MS4A5: variants seen among roughly 807,000 people sequenced by gnomAD.
The protein encoded by MS4A5 is membrane-spanning 4-domains subfamily A member 5.
In MS4A5, 15 loss-of-function variants were observed where a neutral mutation model predicts 18.2. That is an observed-to-expected ratio of 0.83 (90% confidence interval 0.55 to 1.27). The LOEUF (loss-of-function observed/expected upper bound fraction) is 1.27. Among genes scored for constraint, MS4A5 ranks in the 50% most tolerant of loss-of-function variants. The pLI, the probability that MS4A5 is intolerant of heterozygous loss-of-function variation, is 0.00. For synonymous variants in MS4A5, 89 were observed against 78.7 expected, an observed-to-expected ratio of 1.13 and a Z score of -0.69; for missense variants, 232 against 225.7, an observed-to-expected ratio of 1.03 and a Z score of -0.18.
chr11:60,429,927 T>C, intron 1 of MS4A5, 100 bp downstream of exon 1: 2 of 1,147,666 alleles, frequency 1.7e-6, no homozygotes, highest in Non-Finnish European at 2.4e-6. Flanking sequence ...CTATTCCAAT[T>C]CTTCTTTAAG....
rs529240201 is a variant in MS4A5 at position 60,432,705 on chromosome 11, T to C, written c.339+238T>C. 4.7e-5 allele frequency among the ~76,000 whole-genome samples: 7 copies of C among 148,922 alleles called. No individual in the cohort carries two copies. The South Asian group carries it at 1.5e-3, about 32-fold the overall frequency. ...GAGGCTGAGGCAGGAGAATTGCTTG[T>C]ACCTGGGAGGTGGAGGTTGCAAGGA... On this transcript the variant is annotated intron_variant, in intron 3 of 4. Transcript: ENST00000300190.
At chr11:60,436,142 G>A (rs1349892245) in intron 4 of MS4A5, among the ~76,000 whole-genome samples, 1 of 151,868 alleles carries the variant, frequency 6.6e-6, no homozygotes, top group African/African-American at 2.4e-5. Context: ...GCCTAACTGG[G>A]AGGCACCCCC....
rs368005615 is a variant in MS4A5 at position 60,429,775 on chromosome 11, C to A, written c.101C>A (p.Ser34Ter). 5 of 1,613,940 alleles carry A rather than the reference C, an allele frequency of 3.1e-6. No individual in the cohort carries two copies. In the East Asian group the frequency reaches 1.1e-4, roughly 36 times the overall value. ...ESTELSATTF[S>*]TQSPLQKLFA... ...ACAGAACTTTCAGCCACGACCTTTT[C>A]AACTCAAAGCCCCTTGCAAAAATTA... Residue 34 changes from serine (S) to a stop codon, truncating the protein, a stop_gained, in exon 1 of 5, where the codon TCA becomes TAA. Coordinates refer to ENST00000300190, the MANE Select transcript of MS4A5 (RefSeq NM_023945.3). LOFTEE classifies it high-confidence loss of function.
At chr11:60,434,113 C>T (rs1413098113) in intron 4 of MS4A5, among the ~76,000 whole-genome samples, 196 bp downstream of exon 4, 1 of 151,960 alleles carries the variant, frequency 6.6e-6, no homozygotes, top group African/African-American at 2.4e-5. Flanking sequence ...ATTATAACTC[C>T]CACCTTTAGG....
In MS4A5 at chr11:60,429,717, CCT is replaced by C. The variant is rs1565185749; in HGVS notation, c.45_46del (p.Pro16ArgfsTer8). ...TAHSPVFLVFPPEITASEYES... is the reference protein window; with the variant it reads ...TAHSPVFLVFXPEITASEYES... ...ACACAGTCCGGTGTTTCTGGTATTT[CCT>C]CCAGAAATCACTGCTTCAGAATATG... On this transcript the variant is annotated frameshift_variant, in exon 1 of 5. Coordinates refer to ENST00000300190, the MANE Select transcript of MS4A5 (RefSeq NM_023945.3). LOFTEE classifies it high-confidence loss of function. 2 of 1,613,674 alleles carry C rather than the reference CCT, an allele frequency of 1.2e-6. No individual in the cohort carries two copies. Among genetic ancestry groups the C allele is most frequent in the Non-Finnish European group, 1.7e-6 (2 of 1,179,834 alleles).
At chr11:60,442,448 C>CATGG (rs892139637) in intron 4 of MS4A5, among the ~76,000 whole-genome samples, 1 of 152,066 alleles carries the variant, frequency 6.6e-6, no homozygotes, top group African/African-American at 2.4e-5. Context: ...AATGAGAAGA[C>CATGG]ATGGACACAG....
At chr11:60,431,418 A>G (rs2086048150) in intron 2 of MS4A5, among the ~76,000 whole-genome samples, 1 of 152,182 alleles carries the variant, frequency 6.6e-6, no homozygotes, top group African/African-American at 2.4e-5. Context: ...TATTTATTAA[A>G]CCCAGTGTAG....
At chr11:60,430,540 C>T (rs1478770223) in intron 1 of MS4A5, among the ~76,000 whole-genome samples, 2 of 152,132 alleles carry the variant, frequency 1.3e-5, no homozygotes, top group Non-Finnish European at 2.9e-5. Flanking sequence ...TTTCTAGCTC[C>T]CAAGTGATCC....
At chr11:60,439,249 A>C (rs1400121881) in intron 4 of MS4A5, among the ~76,000 whole-genome samples, 1 of 124,392 alleles carries the variant, frequency 8.0e-6, no homozygotes, top group African/African-American at 3.1e-5. Flanking sequence ...AACTCTCAAT[A>C]AATTAGGTAT....
At chr11:60,432,674 A>G (rs2086056690) in intron 3 of MS4A5, among the ~76,000 whole-genome samples, 1 of 151,384 alleles carries the variant, frequency 6.6e-6, no homozygotes, top group Non-Finnish European at 1.5e-5. Flanking sequence ...AGTCCCAGCT[A>G]CTCAGGAGGC....
intron 2 of MS4A5, 53 bp from the exon 3 acceptor site, chr11:60,432,358 A>T: frequency 8.2e-7 from 1 of 1,219,152 alleles, no homozygotes. Context: ...TTCTGTAAGA[A>T]CTCAACATCA....
At chr11:60,435,421 G>A (rs1368210206) in intron 4 of MS4A5, 2 of 445,380 alleles carry the variant, frequency 4.5e-6, no homozygotes, top group Non-Finnish European at 8.9e-6. Context: ...AAATGAGGGG[G>A]GAGGAGCCAA....
At chr11:60,445,952 TACA>T (rs1244739658) in intron 4 of MS4A5, among the ~76,000 whole-genome samples, 14 of 152,202 alleles carry the variant, frequency 9.2e-5, no homozygotes, top group African/African-American at 2.9e-4. Context: ...GAAGCAAGGA[TACA>T]ACATTTACCT....
At chr11:60,445,900 G>T (rs906832392) in intron 4 of MS4A5, among the ~76,000 whole-genome samples, 2 of 152,176 alleles carry the variant, frequency 1.3e-5, no homozygotes, top group African/African-American at 4.8e-5. Flanking sequence ...CAATGTTCTT[G>T]TATATCAGGA....
At chr11:60,439,922 C>A (rs1270785482) in intron 4 of MS4A5, among the ~76,000 whole-genome samples, 4 of 105,248 alleles carry the variant, frequency 3.8e-5, no homozygotes, top group African/African-American at 9.9e-5. Flanking sequence ...TTGGAAAAAA[C>A]TATTTTAAAG....
chr11:60,447,737 G>A lies in MS4A5; in HGVS notation c.581G>A (p.Cys194Tyr), dbSNP rs773843404. 1 of 1,593,844 alleles carries A rather than the reference G, an allele frequency of 6.3e-7. No homozygotes were observed. Among genetic ancestry groups the A allele is most frequent in the Non-Finnish European group, 8.5e-7 (1 of 1,170,602 alleles). Reference sequence around the variant, plus strand: ...ATTTTGGGGTGCCACTCAGAGGATTGTGATTGTGAACAATGTTGTTGACTA... The same window carrying A: ...ATTTTGGGGTGCCACTCAGAGGATTATGATTGTGAACAATGTTGTTGACTA... Reference protein sequence around the residue: ...FSILGCHSEDCDCEQCC With the variant: ...FSILGCHSEDYDCEQCC The change falls in exon 5 of 5, where the codon TGT becomes TAT. Residue 194 changes from cysteine to tyrosine, a missense_variant. Cys to Tyr is a radical substitution (Grantham distance 194). Transcript: ENST00000300190.
Position 60,432,408 on chromosome 11 carries a change from C to G in MS4A5, c.283-3C>G. On this transcript the variant is annotated splice_polypyrimidine_tract_variant and splice_region_variant and intron_variant, in intron 2 of 4. Transcript: ENST00000300190. ...TCATTAACATATTTATTCCTCTTAA[C>G]AGTTCATTAATTCTGGAGCCTTCCT... 1 of 1,573,610 alleles carries G rather than the reference C, an allele frequency of 6.4e-7. No homozygotes were observed. The highest frequency in any genetic ancestry group is 8.7e-7 in the Non-Finnish European group (1 of 1,146,808).
At chr11:60,440,904 T>A (rs2086107906) in intron 4 of MS4A5, among the ~76,000 whole-genome samples, 1 of 126,508 alleles carries the variant, frequency 7.9e-6, no homozygotes, top group Non-Finnish European at 1.7e-5. Flanking sequence ...AAATACCATT[T>A]GACCCAGCCA....
At chr11:60,438,262 G>A (rs1028076584) in intron 4 of MS4A5, among the ~76,000 whole-genome samples, 4 of 152,132 alleles carry the variant, frequency 2.6e-5, no homozygotes, top group South Asian at 2.1e-4. Context: ...TCTCTGGGAT[G>A]CATTCAAAGC....
Sources: gnomAD v4.1 joint callset for allele counts (sites outside exome capture counted in the v4.1 genomes callset) on GRCh38, gnomAD v4.1.1 for gene constraint, MANE v1.5 for transcripts, NCBI Gene and HGNC (gene_info 2026-07-23, HGNC 2026-07-21) for gene names.